The following NLGN4X variants were observed in gnomAD, a reference collection of about 807,000 sequenced individuals.
NLGN4X encodes neuroligin-4, X-linked.
NLGN4X carries 3 observed loss-of-function variants against 40.3 expected under a neutral mutation model. That is an observed-to-expected ratio of 0.07 (90% CI 0.03 to 0.19). The LOEUF (loss-of-function observed/expected upper bound fraction) is 0.19. NLGN4X is among the 10% of genes least tolerant of loss of function. The pLI is 1.00. For missense variants in NLGN4X, 382 were observed against 708.3 expected, an observed-to-expected ratio of 0.54 and a Z score of 5.23; for synonymous variants, 270 against 306.8, an observed-to-expected ratio of 0.88 and a Z score of 1.25.
chrX:6,116,391 C>CTTTCTTTTTTTTTTT (rs2039296478), intron 2 of NLGN4X, among the ~76,000 whole-genome samples: 1 of 22,279 alleles, frequency 4.5e-5, no homozygotes, highest in Non-Finnish European at 7.5e-5. Flanking sequence ...ACCTTTCTTT[C>CTTTCTTTTTTTTTTT]TTTTTTTTTT....
chrX:6,182,900 A>G (rs902539776), intron 1 of NLGN4X, among the ~76,000 whole-genome samples: 1 of 112,234 alleles, frequency 8.9e-6, no homozygotes, highest in Non-Finnish European at 1.9e-5. Context: ...TGTTCTTCAA[A>G]CCATTAAGTT....
intron 3 of NLGN4X, among the ~76,000 whole-genome samples, chrX:5,995,678 T>C (rs776704030): frequency 8.9e-6 from 1 of 112,303 alleles, no homozygotes; most frequent in African/African-American, 3.2e-5. Flanking sequence ...TCCTTCTCAA[T>C]GAGGCTCTAC....
chrX:6,025,044 T>C (rs1390721226), intron 3 of NLGN4X, among the ~76,000 whole-genome samples: 1 of 111,753 alleles, frequency 8.9e-6, no homozygotes, highest in African/African-American at 3.3e-5. Flanking sequence ...TGGTAACATA[T>C]ACACCTTCCT....
intron 3 of NLGN4X, among the ~76,000 whole-genome samples, chrX:5,984,895 A>C (rs1488809568): frequency 8.9e-6 from 1 of 112,417 alleles, no homozygotes; most frequent in African/African-American, 3.2e-5. Context: ...TTAAGACAAT[A>C]ATCACAGATA....
At chrX:6,084,579 G>A (rs1027252506) in intron 2 of NLGN4X, among the ~76,000 whole-genome samples, 9 of 111,734 alleles carry the variant, frequency 8.1e-5, no homozygotes, top group Non-Finnish European at 1.5e-4. Flanking sequence ...ACCCCGATGA[G>A]GAGAGAGTGT....
chrX:5,954,546 C>A (rs747982648), intron 3 of NLGN4X, among the ~76,000 whole-genome samples: 30 of 107,977 alleles, frequency 2.8e-4, no homozygotes, highest in Non-Finnish European at 5.0e-4. Context: ...CATACATTGA[C>A]ACTTTGTAGC....
chrX:6,078,116 A>G (rs1186660455), intron 2 of NLGN4X, among the ~76,000 whole-genome samples: 1 of 111,250 alleles, frequency 9.0e-6, no homozygotes, highest in African/African-American at 3.3e-5. Flanking sequence ...TGCCCTGGCC[A>G]CTCCATCTCA....
chrX:6,175,356 T>C (rs1012711598), intron 1 of NLGN4X, among the ~76,000 whole-genome samples: 2 of 110,996 alleles, frequency 1.8e-5, no homozygotes, highest in Non-Finnish European at 3.8e-5. Context: ...ATAATCATTT[T>C]ATTAAACACT....
At chrX:5,901,135 T>C (rs2031836657) in intron 5 of NLGN4X, among the ~76,000 whole-genome samples, 1 of 111,472 alleles carries the variant, frequency 9.0e-6, no homozygotes, top group South Asian at 3.8e-4. Context: ...TCCAAAAACA[T>C]GCTGTACTTT....
intron 3 of NLGN4X, among the ~76,000 whole-genome samples, chrX:6,018,717 C>T (rs2036458159): frequency 9.0e-6 from 1 of 111,721 alleles, no homozygotes; most frequent in South Asian, 3.7e-4. Flanking sequence ...TGACTACAGC[C>T]CTATAACTGG....
chrX:6,074,625 G>A (rs1038535890), intron 2 of NLGN4X, among the ~76,000 whole-genome samples: 2 of 111,629 alleles, frequency 1.8e-5, no homozygotes, highest in African/African-American at 3.3e-5. Context: ...TGCCATTGTC[G>A]TAGCAATGGC....
chrX:6,068,010 C>A, intron 2 of NLGN4X, among the ~76,000 whole-genome samples: 1 of 111,589 alleles, frequency 9.0e-6, no homozygotes, highest in Non-Finnish European at 1.9e-5. Context: ...GTGTTGGGAT[C>A]TGAGACCCAG....
chrX:5,978,789 C>G (rs2035286115), intron 3 of NLGN4X, among the ~76,000 whole-genome samples: 1 of 111,311 alleles, frequency 9.0e-6, no homozygotes, highest in Admixed American at 9.6e-5. Flanking sequence ...GAAGCCATCA[C>G]CACAGTCAAG....
In NLGN4X at chrX:6,105,687, T is replaced by C. The variant is rs138894732; in HGVS notation, c.472+45308A>G. Among the ~76,000 whole-genome samples, 682 of 111,797 alleles carry C rather than the reference T, an allele frequency of 6.1e-3. 3 individuals carry two copies. The highest frequency in any genetic ancestry group is 0.021 in the African/African-American group (649 of 30,769). On this transcript the variant is annotated intron_variant, in intron 2 of 5. Coordinates refer to ENST00000381095, the MANE Select transcript of NLGN4X (RefSeq NM_181332.3). ...GAGTTTAGCTGGCAAACTGCACACA[T>C]AACACAACTCAGTCCCAGGCTCTTT...
chrX:6,189,422 A>C (rs1399001966), intron 1 of NLGN4X, among the ~76,000 whole-genome samples: 1 of 112,327 alleles, frequency 8.9e-6, no homozygotes, highest in Non-Finnish European at 1.9e-5. Context: ...CCTTAAGAGA[A>C]AATGCAGCTA....
At chrX:5,922,617 C>T (rs1456044709) in intron 3 of NLGN4X, among the ~76,000 whole-genome samples, 1 of 111,569 alleles carries the variant, frequency 9.0e-6, no homozygotes, top group Non-Finnish European at 1.9e-5. Flanking sequence ...AATCCCAGCA[C>T]TTTGGGAGGC....
chrX:6,075,499 C>A (rs2038173103), intron 2 of NLGN4X, among the ~76,000 whole-genome samples: 4 of 111,686 alleles, frequency 3.6e-5, no homozygotes. Flanking sequence ...AGACAGAGTG[C>A]TATAGTTTGG....
At chrX:5,957,150 G>T (rs2034520167) in intron 3 of NLGN4X, among the ~76,000 whole-genome samples, 1 of 111,759 alleles carries the variant, frequency 8.9e-6, no homozygotes, top group Non-Finnish European at 1.9e-5. Flanking sequence ...GGAATCCCTG[G>T]TTTTTAACAA....
intron 2 of NLGN4X, among the ~76,000 whole-genome samples, chrX:6,088,077 A>G (rs1208755733): frequency 6.2e-5 from 7 of 112,572 alleles, no homozygotes; most frequent in Non-Finnish European, 1.3e-4. Flanking sequence ...CGCATTTTGC[A>G]CAAGCCAAAT....
Sources: allele counts gnomAD v4.1 joint callset (sites outside exome capture counted in the v4.1 genomes callset), GRCh38; gene constraint gnomAD v4.1.1; transcripts MANE v1.5; gene names NCBI Gene and HGNC (gene_info 2026-07-23, HGNC 2026-07-21).